Variants in ANKRD17 observed in about 807,000 individuals in gnomAD.
ANKRD17 encodes the protein ankyrin repeat domain-containing protein 17.
In ANKRD17, 19 loss-of-function variants were observed where a neutral mutation model predicts 229.7. That is an observed-to-expected ratio of 0.08 (90% confidence interval 0.06 to 0.12). The LOEUF (loss-of-function observed/expected upper bound fraction) is 0.12. ANKRD17 is among the 10% of genes least tolerant of loss of function. ANKRD17 has a pLI of 1.00. For missense variants in ANKRD17, 2,176 were observed against 3,176.8 expected (o/e 0.68, Z 7.57); for synonymous variants, 1,112 against 1,146.1 (o/e 0.97, Z 0.60).
chr4:73,186,531 G>A (rs1163155797), intron 1 of ANKRD17, among the ~76,000 whole-genome samples: 1 of 151,962 alleles, frequency 6.6e-6, no homozygotes, highest in Non-Finnish European at 1.5e-5. Context: ...CTATCAATTT[G>A]ACAAATATTA....
intron 2 of ANKRD17, among the ~76,000 whole-genome samples, chr4:73,175,961 A>G (rs1734679004): frequency 6.6e-6 from 1 of 151,966 alleles, no homozygotes; most frequent in Non-Finnish European, 1.5e-5. Context: ...AAATGGGATC[A>G]CATCAAGTTA....
chr4:73,174,504 T>TC (rs1344291753), intron 2 of ANKRD17, among the ~76,000 whole-genome samples: 8 of 151,992 alleles, frequency 5.3e-5, no homozygotes, highest in African/African-American at 1.7e-4. Context: ...GTTGAAAGCA[T>TC]CCCCCCAAGA....
chr4:73,126,000 G>C (rs1225481166), intron 16 of ANKRD17, among the ~76,000 whole-genome samples: 2 of 152,178 alleles, frequency 1.3e-5, no homozygotes, highest in African/African-American at 4.8e-5. Flanking sequence ...AGGCAGTGCA[G>C]AAGAGTGATC....
chr4:73,180,056 G>T (rs1354644026), intron 1 of ANKRD17, among the ~76,000 whole-genome samples: 1 of 151,916 alleles, frequency 6.6e-6, no homozygotes, highest in African/African-American at 2.4e-5. Context: ...GTATGAAATT[G>T]AACAGGTAAA....
intron 2 of ANKRD17, among the ~76,000 whole-genome samples, chr4:73,170,028 T>C (rs1346371348): frequency 6.6e-6 from 1 of 152,120 alleles, no homozygotes; most frequent in Non-Finnish European, 1.5e-5. Context: ...AGGCAAGTCC[T>C]AGTGCCAAGA....
chr4:73,193,271 T>A (rs7692425), intron 1 of ANKRD17, among the ~76,000 whole-genome samples: 24,224 of 152,214 alleles, frequency 0.16, 3,796 homozygotes, highest in African/African-American at 0.4. Flanking sequence ...GAACAGTACT[T>A]CATCATATGG....
chr4:73,154,091 A>T lies in ANKRD17; in HGVS notation c.1023T>A (p.Ala341=), dbSNP rs1731333593. 1.2e-6 allele frequency: 2 copies of T among 1,603,256 alleles called. No homozygotes were observed. The highest frequency in any genetic ancestry group is 1.7e-6 in the Non-Finnish European group (2 of 1,175,760). ...CAACATCTACATAGCCTCCAGCACA[A>T]GCATATGTAAGTGCTGTATTGCCTA... The part of the protein sequence containing the change: ...SSTGNTALTY[A]CAGGYVDVVK... The change falls in exon 6 of 34, where the codon GCT becomes GCA. Residue 341 remains alanine, a synonymous_variant. Coordinates refer to ENST00000358602, the MANE Select transcript of ANKRD17 (RefSeq NM_032217.5).
chr4:73,244,578 C>T (rs1425056538), intron 1 of ANKRD17, among the ~76,000 whole-genome samples: 1 of 152,130 alleles, frequency 6.6e-6, no homozygotes, highest in African/African-American at 2.4e-5. Flanking sequence ...GTATCAAGTG[C>T]AAGACAGCAG....
intron 1 of ANKRD17, among the ~76,000 whole-genome samples, chr4:73,177,876 A>C (rs1734949388): frequency 6.6e-6 from 1 of 152,142 alleles, no homozygotes; most frequent in South Asian, 2.1e-4. Flanking sequence ...GACCTAACTA[A>C]ATCAGCAGTT....
chr4:73,170,375 C>T (rs1290983952), intron 2 of ANKRD17, among the ~76,000 whole-genome samples: 2 of 151,880 alleles, frequency 1.3e-5, no homozygotes, highest in African/African-American at 4.8e-5. Context: ...TGGAAGGATC[C>T]ATCACCTACT....
At chr4:73,194,608 C>T (rs1232214392) in intron 1 of ANKRD17, among the ~76,000 whole-genome samples, 1 of 151,914 alleles carries the variant, frequency 6.6e-6, no homozygotes, top group Non-Finnish European at 1.5e-5. Flanking sequence ...TGCATTGATA[C>T]TCTTGTTTTC....
intron 1 of ANKRD17, among the ~76,000 whole-genome samples, chr4:73,189,628 C>G (rs1736782523): frequency 6.6e-6 from 1 of 152,104 alleles, no homozygotes; most frequent in Admixed American, 6.5e-5. Context: ...ACTCAGCTGT[C>G]TGGAATGCTT....
At chr4:73,160,839 A>T (rs1402195808) in intron 3 of ANKRD17, among the ~76,000 whole-genome samples, 2 of 152,228 alleles carry the variant, frequency 1.3e-5, no homozygotes, top group Admixed American at 6.5e-5. Flanking sequence ...TAAAACATTT[A>T]CTTCTTTGTC....
chr4:73,158,990 GAAA>G (rs1197762181), intron 3 of ANKRD17, among the ~76,000 whole-genome samples: 2 of 152,244 alleles, frequency 1.3e-5, no homozygotes. Flanking sequence ...ACACGCAACA[GAAA>G]ATGAACCAAG....
At chr4:73,097,374 A>G in intron 26 of ANKRD17, 102 bp from the exon 27 acceptor site, 3 of 1,000,574 alleles carry the variant, frequency 3.0e-6, no homozygotes, top group South Asian at 4.1e-5. Flanking sequence ...TTATTTTTAA[A>G]TAACAAATGA....
At chr4:73,128,597 A>G (rs1310977952) in intron 16 of ANKRD17, among the ~76,000 whole-genome samples, 1 of 152,204 alleles carries the variant, frequency 6.6e-6, no homozygotes, top group Non-Finnish European at 1.5e-5. Flanking sequence ...AAAGCACTCT[A>G]CTAAGTGCTC....
At chr4:73,217,904 T>A (rs1359402329) in intron 1 of ANKRD17, among the ~76,000 whole-genome samples, 1 of 152,106 alleles carries the variant, frequency 6.6e-6, no homozygotes, top group Non-Finnish European at 1.5e-5. Flanking sequence ...CCTGAAAAAA[T>A]CCAAACTCCA....
Position 73,258,707 on chromosome 4 carries a change from G to A in ANKRD17, c.-39C>T. ...GGGAGGGCGCGGACGGGGGAGGGGCGTGGGGCTACGCTCTACCGCGACTTC... is the reference window on the plus strand; with the variant it reads ...GGGAGGGCGCGGACGGGGGAGGGGCATGGGGCTACGCTCTACCGCGACTTC... On this transcript the variant is annotated 5_prime_UTR_variant, in exon 1 of 34. The change creates a new upstream start codon in the 5' untranslated region. Transcript: ENST00000358602. 1 of 1,421,488 alleles carries A rather than the reference G, an allele frequency of 7.0e-7. No individual in the cohort carries two copies. Among genetic ancestry groups the A allele is most frequent in the Middle Eastern group, 2.6e-4 (1 of 3,882 alleles). The allele number at this position is 1,421,488 out of a possible 1,614,324, so 88.1% of individuals were successfully genotyped here.
At chr4:73,144,916 T>C in intron 10 of ANKRD17, 84 bp from the exon 11 acceptor site, 1 of 844,016 alleles carries the variant, frequency 1.2e-6, no homozygotes, top group Non-Finnish European at 1.8e-6. Context: ...AGGAAAATAA[T>C]TGGACTGATT....
Sources: allele counts gnomAD v4.1 joint callset (sites outside exome capture counted in the v4.1 genomes callset), GRCh38; gene constraint gnomAD v4.1.1; transcripts MANE v1.5; gene names NCBI Gene and HGNC (gene_info 2026-07-23, HGNC 2026-07-21).